The following KLB variants were observed in gnomAD, a reference collection of about 807,000 sequenced individuals.
KLB encodes klotho beta, also known as beta-klotho.
A neutral mutation model predicts 88.4 loss-of-function variants in KLB; 44 were observed. That is an observed-to-expected ratio of 0.50 (90% CI 0.39 to 0.64). The LOEUF (loss-of-function observed/expected upper bound fraction) is 0.64. KLB is among the 30% of genes least tolerant of loss of function. The pLI is 0.00. For missense variants in KLB, 1,137 were observed against 1,304.8 expected, an observed-to-expected ratio of 0.87 and a Z score of 1.98; for synonymous variants, 548 against 513.4, an observed-to-expected ratio of 1.07 and a Z score of -0.91.
At position 39,446,570 on chromosome 4, in the gene KLB, T is replaced by C. The variant is rs767072930; in HGVS notation, c.1844T>C (p.Val615Ala). 1.9e-6 allele frequency: 3 copies of C among 1,614,168 alleles called. No homozygotes were observed. Among genetic ancestry groups the C allele is most frequent in the South Asian group, 2.2e-5 (2 of 91,080 alleles). ...SVLPTGNLSA[V>A]NRQALRYYRC... ...CTTCCCACTGGCAACCTGTCCGCGG[T>C]GAACCGACAGGCCCTGAGGTACTAC... The change falls in exon 4 of 5, where the codon GTG becomes GCG. Residue 615 changes from valine to alanine, a missense_variant. Transcript: ENST00000257408. This position sits in a 1 kb window ranked among gnomAD's most constrained non-coding sequence, Gnocchi z 6.4.
chr4:39,407,465 G>T lies in KLB; in HGVS notation c.516G>T (p.Leu172=). ...GIVTVANAKG[L]QYYSTLLDAL... is the part of the protein sequence containing the mutation. ...TAACAGTTGCCAACGCAAAAGGTCT[G>T]CAGTACTACAGTACTCTTCTGGACG... is the stretch of plus-strand genomic sequence containing the variant. Residue 172 remains leucine, a synonymous_variant, in exon 1 of 5, where the codon CTG becomes CTT. Coordinates refer to ENST00000257408, the MANE Select transcript of KLB (RefSeq NM_175737.4). The T allele has an allele frequency of 6.2e-7, 1 of 1,614,154 alleles. No individual in the cohort carries two copies.
Position 39,446,358 on chromosome 4 carries a change from G to C in KLB, c.1632G>C (p.Gln544His), listed in dbSNP as rs1245454050. 3.7e-6 allele frequency: 6 copies of C among 1,614,088 alleles called. No individual in the cohort carries two copies. Among genetic ancestry groups the C allele is most frequent in the Non-Finnish European group, 5.1e-6 (6 of 1,180,020 alleles). ...LKPESVASSP[Q>H]FSDPHLYVWN... is the part of the protein sequence containing the mutation. ...CCGAGTCTGTGGCTTCGTCCCCACA[G>C]TTCAGCGATCCTCATCTGTACGTGT... Residue 544 changes from glutamine (Q) to histidine (H), a missense_variant, in exon 4 of 5, where the codon CAG becomes CAC. By Grantham distance (24) the Gln-to-His change is conservative (BLOSUM62 0). Coordinates refer to ENST00000257408, the MANE Select transcript of KLB (RefSeq NM_175737.4). This position sits in a 1 kb window ranked among gnomAD's most constrained non-coding sequence, Gnocchi z 6.4.
At chr4:39,443,379 C>A (rs922022415) in intron 3 of KLB, among the ~76,000 whole-genome samples, 1 of 150,284 alleles carries the variant, frequency 6.7e-6, no homozygotes, top group Admixed American at 6.6e-5. Flanking sequence ...CCTACTCCCC[C>A]CAAAAAAAAG....
chr4:39,426,035 T>G (rs1015150959), intron 1 of KLB, among the ~76,000 whole-genome samples: 71 of 151,732 alleles, frequency 4.7e-4, no homozygotes, highest in African/African-American at 1.6e-3. Flanking sequence ...GGCGGATCAC[T>G]ATGTCAGGAG....
intron 1 of KLB, among the ~76,000 whole-genome samples, chr4:39,431,395 G>A (rs1476876039): frequency 6.6e-6 from 1 of 152,130 alleles, no homozygotes; most frequent in Non-Finnish European, 1.5e-5. Context: ...GGGATTATAG[G>A]CATGCGCCAC....
chr4:39,447,433 CG>C lies in KLB; in HGVS notation c.2709del (p.Lys904SerfsTer4). ...CCAGGCTCTGGAGGATGACCGGCTC[CG>C]GAAGTACTACCTAGGGAAGTACCTT... Reference protein sequence around the residue: ...DDQALEDDRLRKYYLGKYLQE... With the variant: ...DDQALEDDRLXKYYLGKYLQE... On this transcript the variant is annotated frameshift_variant, in exon 4 of 5. Transcript: ENST00000257408. LOFTEE classifies it low-confidence loss of function (END_TRUNC). The C allele has an allele frequency of 6.2e-7, 1 of 1,609,124 alleles. No individual in the cohort carries two copies. The highest frequency in any genetic ancestry group is 8.5e-7 in the Non-Finnish European group (1 of 1,177,604).
At chr4:39,412,418 G>C (rs1299809922) in intron 1 of KLB, among the ~76,000 whole-genome samples, 5 of 152,042 alleles carry the variant, frequency 3.3e-5, no homozygotes, top group Admixed American at 3.3e-4. Flanking sequence ...TGGGGATAAA[G>C]TCTCAATTTT....
Position 39,439,420 on chromosome 4 carries a change from A to G in KLB, c.1605+1425A>G, listed in dbSNP as rs1743546706. 3.3e-5 allele frequency among the ~76,000 whole-genome samples: 5 copies of G among 151,762 alleles called. No homozygotes were observed. The South Asian group carries it at 1.0e-3, about 32-fold the overall frequency. The stretch of plus-strand genomic sequence containing the variant: ...CTATGCTTTAAGACTTCACAATACC[A>G]CACCACAATATTGCATTGTTTTTTG... On this transcript the variant is annotated intron_variant, in intron 3 of 4. Coordinates refer to ENST00000257408, the MANE Select transcript of KLB (RefSeq NM_175737.4).
Position 39,414,237 on chromosome 4 carries a change from G to A in KLB, c.825+6463G>A, listed in dbSNP as rs1299304538. ...TTATTTTACACAATTGCCTCAAGGA[G>A]ATCTTCACCAGATCTGTAAGTTGCA... is the stretch of plus-strand genomic sequence containing the variant. On this transcript the variant is annotated intron_variant, in intron 1 of 4. Transcript: ENST00000257408. Among the ~76,000 whole-genome samples, 4 of 151,288 alleles carry A rather than the reference G, an allele frequency of 2.6e-5. No homozygotes were observed. The East Asian group carries it at 5.8e-4, about 22-fold the overall frequency.
At position 39,446,337 on chromosome 4, in the gene KLB, G is replaced by A. The variant is rs780322039; in HGVS notation, c.1611G>A (p.Glu537=). Residue 537 remains glutamate, a synonymous_variant, in exon 4 of 5, where the codon GAG becomes GAA. Coordinates refer to ENST00000257408, the MANE Select transcript of KLB (RefSeq NM_175737.4). The surrounding 1 kb of genome is among the most constrained non-coding windows in gnomAD (Gnocchi z 6.4). ...AATGAGCTTGTTTTTCACAGCCCGA[G>A]TCTGTGGCTTCGTCCCCACAGTTCA... ...WGVTESVLKP[E]SVASSPQFSD... 1.2e-6 allele frequency: 2 copies of A among 1,612,960 alleles called. No individual in the cohort carries two copies. The highest frequency in any genetic ancestry group is 8.5e-7 in the Non-Finnish European group (1 of 1,179,368).
chr4:39,437,876 G>C lies in KLB; in HGVS notation c.1486G>C (p.Ala496Pro), dbSNP rs766338797. The C allele has an allele frequency of 2.5e-6, 4 of 1,614,184 alleles. No homozygotes were observed. The highest frequency in any genetic ancestry group is 3.4e-6 in the Non-Finnish European group (4 of 1,180,028). The change falls in exon 3 of 5, where the codon GCA becomes CCA. Residue 496 changes from alanine (A) to proline (P), a missense_variant. Transcript: ENST00000257408. ...KQKERKPKSSAHYYKQIIREN... is the reference protein window; with the variant it reads ...KQKERKPKSSPHYYKQIIREN... ...GAAAGAGCGGAAACCTAAGTCTTCA[G>C]CACACTACTACAAACAGATCATACG...
At position 39,438,060 on chromosome 4, in the gene KLB, A is replaced by ACT. The variant is rs1479839960; in HGVS notation, c.1605+65_1605+66insCT. 102 of 1,442,910 alleles carry ACT rather than the reference A, an allele frequency of 7.1e-5. No individual in the cohort carries two copies. In the African/African-American group the frequency reaches 1.4e-3, roughly 19 times the overall value. The allele number at this position is 1,442,910 out of a possible 1,614,324, so 89.4% of individuals were successfully genotyped here. On this transcript the variant is annotated intron_variant, in intron 3 of 4. Transcript: ENST00000257408. ...ACAGTACACACTATTTCATTTACTC[A>ACT]ATGACAGCTAAGAGATAGCTGTCAG...
intron 3 of KLB, chr4:39,441,769 A>C (rs1471227114): frequency 4.3e-4 from 43 of 99,590 alleles, no homozygotes; most frequent in African/African-American, 1.4e-3. Context: ...CCCAAACATA[A>C]ATAAATAAAT....
chr4:39,442,495 G>A (rs55691109), intron 3 of KLB, among the ~76,000 whole-genome samples: 8 of 147,380 alleles, frequency 5.4e-5, no homozygotes, highest in Non-Finnish European at 1.0e-4. Flanking sequence ...GTGCAATGGC[G>A]CGATCCCAGC....
At chr4:39,445,870 G>T (rs1743733848) in intron 3 of KLB, among the ~76,000 whole-genome samples, 1 of 151,814 alleles carries the variant, frequency 6.6e-6, no homozygotes, top group African/African-American at 2.4e-5. Flanking sequence ...AAAAGCAAGG[G>T]GTCATTGCCT....
chr4:39,447,935 C>A (rs942990527), intron 4 of KLB, among the ~76,000 whole-genome samples: 1 of 152,218 alleles, frequency 6.6e-6, no homozygotes, highest in Non-Finnish European at 1.5e-5. Flanking sequence ...GATTCCTGGG[C>A]TGCACCAAGA....
Position 39,448,588 on chromosome 4 carries a change from T to C in KLB, c.3037T>C (p.Ser1013Pro), listed in dbSNP as rs368872812. 3.2e-5 allele frequency: 52 copies of C among 1,614,066 alleles called. No individual in the cohort carries two copies. Among genetic ancestry groups the C allele is most frequent in the Middle Eastern group, 1.6e-4 (1 of 6,084 alleles). ...CTTCTCCACCCTGGTTCTACTCTTATCAATTGCCATTTTTCAAAGGCAGAA... is the reference window on the plus strand; with the variant it reads ...CTTCTCCACCCTGGTTCTACTCTTACCAATTGCCATTTTTCAAAGGCAGAA... Reference protein sequence around the residue: ...CFFSTLVLLLSIAIFQRQKRR... With the variant: ...CFFSTLVLLLPIAIFQRQKRR... The change falls in exon 5 of 5, where the codon TCA becomes CCA. Residue 1013 changes from serine (S) to proline (P), a missense_variant. By Grantham distance (74) the Ser-to-Pro change is moderately conservative (BLOSUM62 -1). Around this residue, in one of 4 missense-constraint regions of KLB, gnomAD observed 426 missense variants for 404.6 expected, o/e 1.05. Coordinates refer to ENST00000257408, the MANE Select transcript of KLB (RefSeq NM_175737.4).
chr4:39,448,485 G>A lies in KLB; in HGVS notation c.2934G>A (p.Gln978=). Residue 978 remains glutamine (Q), a synonymous_variant, in exon 5 of 5, where the codon CAG becomes CAA. Coordinates refer to ENST00000257408, the MANE Select transcript of KLB (RefSeq NM_175737.4). ...AGAACAGTAGTTCTAGATGCAGTCA[G>A]ACCCAAGAAAATACAGAGTGCACTG... ...PFENSSSRCS[Q]TQENTECTVC... 1.9e-6 allele frequency: 3 copies of A among 1,614,162 alleles called. No individual in the cohort carries two copies. In the South Asian group the frequency reaches 3.3e-5, roughly 18 times the overall value.
chr4:39,438,243 T>G (rs1743525663), intron 3 of KLB, among the ~76,000 whole-genome samples: 1 of 152,210 alleles, frequency 6.6e-6, no homozygotes, highest in Admixed American at 6.5e-5. Context: ...TCAAGGAGCA[T>G]ACAGTCTAGA....
Sources: gnomAD v4.1 joint callset for allele counts (sites outside exome capture counted in the v4.1 genomes callset) on GRCh38, gnomAD v4.1.1 for gene constraint, gnomAD v4.1.1 regional missense constraint, Gnocchi (gnomAD v3.1) non-coding constraint, MANE v1.5 for transcripts, NCBI Gene and HGNC (gene_info 2026-07-23, HGNC 2026-07-21) for gene names.